Variants in IQCH observed in about 807,000 individuals in gnomAD.
IQCH encodes IQ motif containing H, also known as IQ domain-containing protein H.
Under a neutral mutation model 117.0 loss-of-function variants are expected in IQCH, and 98 were observed. The observed-to-expected ratio is 0.84, with a 90% CI of 0.71 to 0.99. The LOEUF (loss-of-function observed/expected upper bound fraction) is 0.99, where lower values mean the gene tolerates loss of function less well. Among genes scored for constraint, IQCH ranks in the 50% least tolerant of loss-of-function variants. IQCH has a pLI of 0.00. For missense variants in IQCH, 1,102 were observed against 1,243.8 expected (o/e 0.89, Z 1.72); for synonymous variants, 412 against 448.2 (o/e 0.92, Z 1.02).
rs776175163 is a variant in IQCH, at chr15:67,421,512, G to C, written c.2440G>C (p.Asp814His). The change falls in exon 16 of 21, where the codon GAT becomes CAT. Residue 814 changes from aspartate to histidine, a missense_variant. Asp to His is a moderately conservative substitution (Grantham distance 81). Transcript: ENST00000335894. ...AATTGGAAAAGCCTGCAGAATGAGA[G>C]ATGTGGTTGGTTACTTTTCGATAGA... Reference protein sequence around the residue: ...LQIGKACRMRDVVGYFSIDLV... With the variant: ...LQIGKACRMRHVVGYFSIDLV... 6.2e-7 allele frequency: 1 copy of C among 1,614,066 alleles called. No individual in the cohort carries two copies. The highest frequency in any genetic ancestry group is 8.5e-7 in the Non-Finnish European group (1 of 1,180,028).
intron 8 of IQCH, chr15:67,371,453 C>T: frequency 6.6e-7 from 1 of 1,519,918 alleles, no homozygotes; most frequent in Non-Finnish European, 8.8e-7. Flanking sequence ...CCACCTGGGA[C>T]AGCCCCAGAT....
rs893732031 is a variant in IQCH, at chr15:67,386,719, C to A, written c.1456+1700C>A. 3.9e-5 allele frequency among the ~76,000 whole-genome samples: 6 copies of A among 151,990 alleles called. No individual in the cohort carries two copies. The highest frequency in any genetic ancestry group is 8.8e-5 in the Non-Finnish European group (6 of 67,998). ...ACCCCAATGGCTAGTATTTTCAGTT[C>A]CTAGATGAGTTCAGCAAGGAAGTGA... On this transcript the variant is annotated intron_variant, in intron 11 of 20. Transcript: ENST00000335894. The surrounding 1 kb of genome is among the most constrained non-coding windows in gnomAD (Gnocchi z 5.0).
In IQCH at chr15:67,356,317, T is replaced by G. The variant is rs8029963; in HGVS notation, c.638-1028T>G. Among the ~76,000 whole-genome samples, 103,698 of 151,942 alleles carry G rather than the reference T, an allele frequency of 0.68. 35,840 individuals are homozygous for G. Among genetic ancestry groups the G allele is most frequent in the Middle Eastern group, 0.84 (246 of 294 alleles). On this transcript the variant is annotated intron_variant, in intron 6 of 20. Transcript: ENST00000335894. The surrounding 1 kb of genome is among the most constrained non-coding windows in gnomAD (Gnocchi z 5.3). ...GCCGGAAGCCAGGGAAACCAGAGGGTTGTAAAAATGGGTTGATCAAATGCA... is the reference window on the plus strand; with the variant it reads ...GCCGGAAGCCAGGGAAACCAGAGGGGTGTAAAAATGGGTTGATCAAATGCA...
At chr15:67,460,282 T>G (rs2082759375) in intron 16 of IQCH, among the ~76,000 whole-genome samples, 2 of 152,224 alleles carry the variant, frequency 1.3e-5, no homozygotes, top group Admixed American at 6.5e-5. Flanking sequence ...CTATATACAG[T>G]TGCAGTTATC....
intron 4 of IQCH, among the ~76,000 whole-genome samples, chr15:67,310,771 A>G (rs1180874552): frequency 6.6e-6 from 1 of 152,196 alleles, no homozygotes; most frequent in Non-Finnish European, 1.5e-5. Context: ...ACAACTGCAG[A>G]TAAAAGTCAA....
At chr15:67,349,616 A>AG (rs1382326962) in intron 6 of IQCH, among the ~76,000 whole-genome samples, 2 of 151,464 alleles carry the variant, frequency 1.3e-5, no homozygotes, top group Non-Finnish European at 2.9e-5. Context: ...CAAAAAAAAA[A>AG]AAAAAAGGAA....
chr15:67,308,561 T>TGAG (rs1403919299), intron 4 of IQCH, among the ~76,000 whole-genome samples: 20 of 152,092 alleles, frequency 1.3e-4, no homozygotes, highest in African/African-American at 2.4e-4. Flanking sequence ...CCCACTCCTA[T>TGAG]CATTTAAAGT....
At position 67,416,843 on chromosome 15, in the gene IQCH, GT is replaced by G; in HGVS notation, c.2098-86del. On this transcript the variant is annotated intron_variant, in intron 14 of 20. Transcript: ENST00000335894. This position sits in a 1 kb window ranked among gnomAD's most constrained non-coding sequence, Gnocchi z 5.1. ...AACAGTAACCACATTTTTTTTGCCT[GT>G]TGGAGGCCTGGTTTTTAATCACTCC... The G allele has an allele frequency of 8.7e-7, 1 of 1,149,626 alleles. No individual in the cohort carries two copies. Among genetic ancestry groups the G allele is most frequent in the Non-Finnish European group, 1.2e-6 (1 of 869,434 alleles). The allele number at this position is 1,149,626 out of a possible 1,614,324, so 71.2% of individuals were successfully genotyped here. A position where few individuals can be genotyped will look rare whatever the true frequency, so the allele number is the denominator to read the frequency against.
chr15:67,473,274 G>A lies in IQCH; in HGVS notation c.2677-2422G>A, dbSNP rs1277303734. ...TGGGCTTTTCAGTGTGAAGGTGAGA[G>A]CATGGCCAGCCCAGTATGGCAGGGC... On this transcript the variant is annotated intron_variant, in intron 17 of 20. Coordinates refer to ENST00000335894, the MANE Select transcript of IQCH (RefSeq NM_001031715.3). This position sits in a 1 kb window ranked among gnomAD's most constrained non-coding sequence, Gnocchi z 4.9. Among the ~76,000 whole-genome samples the A allele has an allele frequency of 6.6e-6, 1 of 152,256 alleles. No homozygotes were observed. The highest frequency in any genetic ancestry group is 1.5e-5 in the Non-Finnish European group (1 of 68,050).
rs1333770875 is a variant in IQCH at position 67,467,297 on chromosome 15, T to C, written c.2676+2000T>C. On this transcript the variant is annotated intron_variant, in intron 17 of 20. Coordinates refer to ENST00000335894, the MANE Select transcript of IQCH (RefSeq NM_001031715.3). This position sits in a 1 kb window ranked among gnomAD's most constrained non-coding sequence, Gnocchi z 5.7. ...AGACTTCCAAAGACAATTGCAGCTT[T>C]GAAGTATGTTGCTTCAGAAGGCTAT... 6.6e-6 allele frequency among the ~76,000 whole-genome samples: 1 copy of C among 152,224 alleles called. No homozygotes were observed. The highest frequency in any genetic ancestry group is 2.4e-5 in the African/African-American group (1 of 41,458).
chr15:67,287,874 T>G (rs997538377), intron 4 of IQCH, among the ~76,000 whole-genome samples: 1 of 152,090 alleles, frequency 6.6e-6, no homozygotes, highest in Admixed American at 6.6e-5. Context: ...TAGTTGCTTA[T>G]AGCTAGCTAT....
intron 7 of IQCH, among the ~76,000 whole-genome samples, chr15:67,358,135 A>G (rs981173941): frequency 3.7e-5 from 5 of 133,342 alleles, no homozygotes; most frequent in Non-Finnish European, 6.3e-5. Flanking sequence ...CTGGGATTAT[A>G]GGCATGAGCC....
rs111499384 is a variant in IQCH, at chr15:67,376,157, A to G, written c.1372+2724A>G. On this transcript the variant is annotated intron_variant, in intron 10 of 20. Coordinates refer to ENST00000335894, the MANE Select transcript of IQCH (RefSeq NM_001031715.3). The surrounding 1 kb of genome is among the most constrained non-coding windows in gnomAD (Gnocchi z 5.0). ...AACAACAAGCTGTCATCTCCTACCT[A>G]TTCCACAGATAGAATTCTCAAACGA... Among the ~76,000 whole-genome samples the G allele has an allele frequency of 5.4e-4, 82 of 152,290 alleles. 1 individual carries two copies. The highest frequency in any genetic ancestry group is 1.9e-3 in the African/African-American group (79 of 41,558).
rs753343439 is a variant in IQCH, at chr15:67,472,650, T to A, written c.2677-3046T>A. Among the ~76,000 whole-genome samples, 1 of 152,230 alleles carries A rather than the reference T, an allele frequency of 6.6e-6. No homozygotes were observed. Among genetic ancestry groups the A allele is most frequent in the Non-Finnish European group, 1.5e-5 (1 of 68,038 alleles). On this transcript the variant is annotated intron_variant, in intron 17 of 20. Transcript: ENST00000335894. The surrounding 1 kb of genome is among the most constrained non-coding windows in gnomAD (Gnocchi z 4.3). ...ATCAGAAGACAGAATTTCAATGATCTGTTCAAGATCACATACACAGTAAGT... is the reference window on the plus strand; with the variant it reads ...ATCAGAAGACAGAATTTCAATGATCAGTTCAAGATCACATACACAGTAAGT...
intron 4 of IQCH, among the ~76,000 whole-genome samples, chr15:67,297,760 G>C (rs965237423): frequency 6.6e-6 from 1 of 151,936 alleles, no homozygotes; most frequent in Non-Finnish European, 1.5e-5. Context: ...AGTTTCCCTC[G>C]TTTAAAAAAT....
chr15:67,301,872 A>G (rs776205718), intron 4 of IQCH, among the ~76,000 whole-genome samples: 7 of 152,292 alleles, frequency 4.6e-5, no homozygotes, highest in Admixed American at 2.6e-4. Flanking sequence ...TTAACCTCAA[A>G]TGATTGCTTT....
Position 67,500,783 on chromosome 15 carries a change from C to T in IQCH, c.*37C>T. On this transcript the variant is annotated 3_prime_UTR_variant, in exon 21 of 21. Transcript: ENST00000335894. The surrounding 1 kb of genome is among the most constrained non-coding windows in gnomAD (Gnocchi z 4.4). The stretch of plus-strand genomic sequence containing the variant: ...AGTACATAACAATTTGGATCCCAGT[C>T]TGGAATAAAAAGGGCAATTTTTTTT... The T allele has an allele frequency of 2.5e-6, 3 of 1,189,134 alleles. No individual in the cohort carries two copies. The highest frequency in any genetic ancestry group is 3.6e-6 in the Non-Finnish European group (3 of 840,026). 73.7% of individuals were successfully genotyped at this position (1,189,134 alleles called of 1,614,324 possible). A position where few individuals can be genotyped will look rare whatever the true frequency, so the allele number is the denominator to read the frequency against.
intron 10 of IQCH, among the ~76,000 whole-genome samples, chr15:67,374,616 T>G (rs1426460236): frequency 2.6e-5 from 4 of 152,220 alleles, no homozygotes; most frequent in Admixed American, 1.3e-4. Flanking sequence ...AGAAAATACT[T>G]GCATTGCACA....
intron 10 of IQCH, among the ~76,000 whole-genome samples, chr15:67,382,188 G>A (rs1487659721): frequency 6.6e-6 from 1 of 152,058 alleles, no homozygotes; most frequent in East Asian, 1.9e-4. Context: ...AGAAAAGGGT[G>A]GTGAAGAACA....
Sources: gnomAD v4.1 joint callset for allele counts (sites outside exome capture counted in the v4.1 genomes callset) on GRCh38, gnomAD v4.1.1 for gene constraint, Gnocchi (gnomAD v3.1) non-coding constraint, MANE v1.5 for transcripts, NCBI Gene and HGNC (gene_info 2026-07-23, HGNC 2026-07-21) for gene names.